SCAND3: variants seen among roughly 807,000 people sequenced by gnomAD.
SCAND3 encodes the protein SCAN domain containing 3, also known as SCAN domain-containing protein 3.
At chr6:28,614,042 C>T in the SCAND3 span, among the ~76,000 whole-genome samples, 2 of 151,766 alleles carry the variant, frequency 1.3e-5, no homozygotes, top group Admixed American at 1.3e-4. Flanking sequence ...TGGCTCACTG[C>T]AACCTCTGCC....
the SCAND3 span, among the ~76,000 whole-genome samples, chr6:28,582,800 A>G: frequency 6.6e-6 from 1 of 151,860 alleles, no homozygotes; most frequent in Non-Finnish European, 1.5e-5. The surrounding 1 kb of genome is among the most constrained non-coding windows in gnomAD (Gnocchi z 4.8). Flanking sequence ...GCTTGCCTGT[A>G]AATCCCAGCT....
the SCAND3 span, among the ~76,000 whole-genome samples, chr6:28,578,607 G>A: frequency 1.3e-5 from 2 of 151,906 alleles, no homozygotes; most frequent in Non-Finnish European, 2.9e-5. Flanking sequence ...AAGCAGAGAA[G>A]GAAAATAAAT....
At chr6:28,575,068 G>A in the SCAND3 span, 2 of 1,614,066 alleles carry the variant, frequency 1.2e-6, no homozygotes, top group South Asian at 2.2e-5. The surrounding 1 kb of genome is among the most constrained non-coding windows in gnomAD (Gnocchi z 4.2). Flanking sequence ...TTCATTTTCT[G>A]TATGCAAGCT....
At chr6:28,573,711 G>C in the SCAND3 span, 1 of 1,608,818 alleles carries the variant, frequency 6.2e-7, no homozygotes, top group Non-Finnish European at 8.5e-7. Context: ...GAACTCTTTT[G>C]GTTTTCCCTT....
At chr6:28,611,343 C>T in the SCAND3 span, among the ~76,000 whole-genome samples, 1 of 152,104 alleles carries the variant, frequency 6.6e-6, no homozygotes, top group East Asian at 1.9e-4. Context: ...AGCAAAGAGC[C>T]CTTCCCTTCA....
chr6:28,586,216 C>T, the SCAND3 span: 1 of 1,189,458 alleles, frequency 8.4e-7, no homozygotes, highest in Non-Finnish European at 1.2e-6. This position sits in a 1 kb window ranked among gnomAD's most constrained non-coding sequence, Gnocchi z 4.4. Context: ...TTCCAACCAC[C>T]AGCGCGAAAT....
At chr6:28,606,287 ATTGT>A in the SCAND3 span, among the ~76,000 whole-genome samples, 8 of 152,150 alleles carry the variant, frequency 5.3e-5, no homozygotes, top group Non-Finnish European at 7.3e-5. Context: ...TGAGTTATAA[ATTGT>A]TTGAGAAAGA....
chr6:28,607,502 C>T, the SCAND3 span, among the ~76,000 whole-genome samples: 1 of 145,070 alleles, frequency 6.9e-6, no homozygotes, highest in African/African-American at 2.5e-5. Context: ...AATAAAAGAC[C>T]CTTTGTTTTA....
the SCAND3 span, chr6:28,579,453 C>A: frequency 1.9e-6 from 3 of 1,580,672 alleles, no homozygotes; most frequent in Non-Finnish European, 1.7e-6. The surrounding 1 kb of genome is among the most constrained non-coding windows in gnomAD (Gnocchi z 4.5). Context: ...GTAAACAATA[C>A]AAATAATTGT....
At chr6:28,596,119 G>A in the SCAND3 span, among the ~76,000 whole-genome samples, 1 of 152,190 alleles carries the variant, frequency 6.6e-6, no homozygotes, top group African/African-American at 2.4e-5. Flanking sequence ...TTATATTGCA[G>A]TATTACAGAT....
chr6:28,582,968 T>G, the SCAND3 span, among the ~76,000 whole-genome samples: 2 of 151,784 alleles, frequency 1.3e-5, no homozygotes, highest in Non-Finnish European at 2.9e-5. The surrounding 1 kb of genome is among the most constrained non-coding windows in gnomAD (Gnocchi z 4.8). Context: ...CTATAAAAAC[T>G]CTAGTAAAAA....
chr6:28,591,822 C>T, the SCAND3 span: 2 of 152,090 alleles, frequency 1.3e-5, no homozygotes, highest in African/African-American at 4.8e-5. Context: ...AACTTCTTTT[C>T]CAAAGAAGAT....
chr6:28,586,724 C>G, the SCAND3 span: 2 of 1,607,424 alleles, frequency 1.2e-6, no homozygotes, highest in East Asian at 4.5e-5. This position sits in a 1 kb window ranked among gnomAD's most constrained non-coding sequence, Gnocchi z 4.4. Flanking sequence ...CCATCCCGAG[C>G]TTAGACAGCT....
the SCAND3 span, among the ~76,000 whole-genome samples, chr6:28,583,984 C>A: frequency 1.3e-5 from 2 of 152,182 alleles, no homozygotes; most frequent in Admixed American, 6.5e-5. Flanking sequence ...TCTGAAGGCT[C>A]AAAGGCTTTG....
chr6:28,604,532 C>T, the SCAND3 span, among the ~76,000 whole-genome samples: 1 of 151,454 alleles, frequency 6.6e-6, no homozygotes, highest in African/African-American at 2.4e-5. Context: ...AGGAGAATTG[C>T]TTGAGCCCGG....
chr6:28,614,522 T>A, the SCAND3 span, among the ~76,000 whole-genome samples: 1 of 151,920 alleles, frequency 6.6e-6, no homozygotes, highest in South Asian at 2.1e-4. Flanking sequence ...TGGAGTGCAG[T>A]GGTGTGATCT....
chr6:28,572,585 G>A, the SCAND3 span: 1 of 1,614,056 alleles, frequency 6.2e-7, no homozygotes, highest in Non-Finnish European at 8.5e-7. This position sits in a 1 kb window ranked among gnomAD's most constrained non-coding sequence, Gnocchi z 4.1. Context: ...AAATAAGCAA[G>A]TCTGGCTGTC....
the SCAND3 span, among the ~76,000 whole-genome samples, chr6:28,614,579 C>T: frequency 6.6e-6 from 1 of 151,986 alleles, no homozygotes; most frequent in African/African-American, 2.4e-5. Flanking sequence ...ATTCTCCTGT[C>T]TCAGCCTCCC....
the SCAND3 span, among the ~76,000 whole-genome samples, chr6:28,599,279 G>T: frequency 6.6e-6 from 1 of 152,210 alleles, no homozygotes; most frequent in African/African-American, 2.4e-5. Context: ...GAAAACCCCA[G>T]TGAGATACTT....
Sources: gnomAD v4.1 joint callset for allele counts (sites outside exome capture counted in the v4.1 genomes callset) on GRCh38, gnomAD v4.1.1 for gene constraint, Gnocchi (gnomAD v3.1) non-coding constraint, MANE v1.5 for transcripts, NCBI Gene and HGNC (gene_info 2026-07-23, HGNC 2026-07-21) for gene names.